The following TANK variants were observed in gnomAD, a reference collection of about 807,000 sequenced individuals.
The protein encoded by TANK is TRAF family member associated NFKB activator.
A neutral mutation model predicts 43.6 loss-of-function variants in TANK; 15 were observed. That is an observed-to-expected ratio of 0.34 (90% CI 0.23 to 0.53). The LOEUF is 0.53. Ranked by LOEUF, TANK falls within the 20% of genes least tolerant of loss-of-function variation. The probability of loss-of-function intolerance (pLI) is 0.94; values close to 1 mark genes in which losing one functional copy is unlikely to be tolerated. For missense variants in TANK, 417 were observed against 498.6 expected, an observed-to-expected ratio of 0.84 and a Z score of 1.56; for synonymous variants, 162 against 178.2, an observed-to-expected ratio of 0.91 and a Z score of 0.73.
At chr2:161,162,607 T>C (rs1437808447) in intron 1 of TANK, 1 of 152,122 alleles carries the variant, frequency 6.6e-6, no homozygotes, top group Non-Finnish European at 1.5e-5. Flanking sequence ...TTTCTTAGTT[T>C]GGGGATGTTT....
intron 1 of TANK, among the ~76,000 whole-genome samples, chr2:161,154,925 A>G (rs1684184073): frequency 6.6e-6 from 1 of 151,948 alleles, no homozygotes; most frequent in African/African-American, 2.4e-5. Context: ...TTGTACTTTT[A>G]GTAGAGATGA....
At chr2:161,212,149 C>A in intron 4 of TANK, 1 of 344,826 alleles carries the variant, frequency 2.9e-6, no homozygotes, top group Non-Finnish European at 4.1e-6. Context: ...CAACCTCCAC[C>A]TCCCAGGCTC....
chr2:161,219,637 T>G (rs1177612022), intron 4 of TANK: 1 of 374,618 alleles, frequency 2.7e-6, no homozygotes, highest in African/African-American at 2.2e-5. Context: ...TCTTATCAAA[T>G]ATCTTTTTGT....
chr2:161,234,449 A>T (rs563248028), intron 7 of TANK, among the ~76,000 whole-genome samples: 27 of 152,328 alleles, frequency 1.8e-4, no homozygotes, highest in African/African-American at 6.5e-4. Context: ...CAATTCAGGA[A>T]AATATTTTCC....
chr2:161,228,174 C>T (rs1687726284), intron 6 of TANK, among the ~76,000 whole-genome samples: 1 of 152,178 alleles, frequency 6.6e-6, no homozygotes, highest in Admixed American at 6.5e-5. Context: ...TGCCAAATGA[C>T]ATTTTCAGTC....
chr2:161,170,218 G>A (rs1211143314), intron 1 of TANK, among the ~76,000 whole-genome samples: 1 of 152,190 alleles, frequency 6.6e-6, no homozygotes, highest in East Asian at 1.9e-4. Context: ...CTTAGTGGGA[G>A]ATGGGCTATG....
At chr2:161,152,262 T>C (rs945880206) in intron 1 of TANK, among the ~76,000 whole-genome samples, 7 of 152,184 alleles carry the variant, frequency 4.6e-5, no homozygotes, top group Non-Finnish European at 8.8e-5. Flanking sequence ...TATTTCTTTG[T>C]ATGGCCTCAA....
At chr2:161,205,184 C>T (rs937487938) in intron 4 of TANK, among the ~76,000 whole-genome samples, 18 of 151,930 alleles carry the variant, frequency 1.2e-4, no homozygotes, top group African/African-American at 4.4e-4. Flanking sequence ...AAATTAGCCA[C>T]GCAGAATGGC....
At chr2:161,178,714 T>C (rs1685284584) in intron 1 of TANK, among the ~76,000 whole-genome samples, 2 of 152,278 alleles carry the variant, frequency 1.3e-5, no homozygotes, top group South Asian at 2.1e-4. Flanking sequence ...CCTGAAGATA[T>C]AACAAAAGAT....
intron 1 of TANK, among the ~76,000 whole-genome samples, chr2:161,143,751 A>C (rs1683820009): frequency 6.6e-6 from 1 of 152,154 alleles, no homozygotes; most frequent in Non-Finnish European, 1.5e-5. Flanking sequence ...ACTGATGTTC[A>C]TCACAGATAT....
intron 2 of TANK, among the ~76,000 whole-genome samples, chr2:161,183,199 G>A (rs541379708): frequency 6.6e-6 from 1 of 152,132 alleles, no homozygotes; most frequent in South Asian, 2.1e-4. Context: ...GTTATTCTTT[G>A]TGAGTCTCCT....
Position 161,232,609 on chromosome 2 carries a change from TA to T in TANK, c.1101+1061del, listed in dbSNP as rs1233187302. On this transcript the variant is annotated intron_variant, in intron 7 of 7. Transcript: ENST00000392749. ...TCATAGTCTCAGTTATAGTTGCTAC[TA>T]AATGAAACAAATTAAACAATTTCAT... is the stretch of plus-strand genomic sequence containing the variant. The T allele has an allele frequency of 2.5e-6, 3 of 1,177,392 alleles. No homozygotes were observed. The African/African-American group carries it at 4.6e-5, about 18-fold the overall frequency. 72.9% of individuals were successfully genotyped at this position (1,177,392 alleles called of 1,614,324 possible). A position where few individuals can be genotyped will look rare whatever the true frequency, so the allele number is the denominator to read the frequency against.
chr2:161,211,962 T>C (rs1337809658), intron 4 of TANK: 1 of 959,878 alleles, frequency 1.0e-6, no homozygotes, highest in Non-Finnish European at 1.2e-6. Flanking sequence ...GCCTTTTTTA[T>C]AGACTTTCTG....
At chr2:161,199,254 T>C (rs1686296299) in intron 2 of TANK, among the ~76,000 whole-genome samples, 2 of 152,108 alleles carry the variant, frequency 1.3e-5, no homozygotes, top group South Asian at 4.1e-4. Context: ...ATTTCTTTTT[T>C]TTTTCAATCC....
chr2:161,191,690 T>C (rs531089853), intron 2 of TANK, among the ~76,000 whole-genome samples: 9 of 152,332 alleles, frequency 5.9e-5, no homozygotes, highest in African/African-American at 2.2e-4. Context: ...TGTCTATAAC[T>C]TCTCTGCCAA....
At position 161,235,644 on chromosome 2, in the gene TANK, A is replaced by T. The variant is rs1323405039; in HGVS notation, c.*126A>T. 1 of 750,480 alleles carries T rather than the reference A, an allele frequency of 1.3e-6. No individual in the cohort carries two copies. Among genetic ancestry groups the T allele is most frequent in the Non-Finnish European group, 2.0e-6 (1 of 505,702 alleles). 46.5% of individuals were successfully genotyped at this position (750,480 alleles called of 1,614,324 possible). A position where few individuals can be genotyped will look rare whatever the true frequency, so the allele number is the denominator to read the frequency against. Reference sequence around the variant, plus strand: ...AAAATCTAGTTTCACAGCTATTTGAATTTTTTTCTGGATTTACTATATAAC... The same window carrying T: ...AAAATCTAGTTTCACAGCTATTTGATTTTTTTTCTGGATTTACTATATAAC... On this transcript the variant is annotated 3_prime_UTR_variant, in exon 8 of 8. Coordinates refer to ENST00000392749, the MANE Select transcript of TANK (RefSeq NM_001199135.3).
chr2:161,179,940 A>T (rs920032384), intron 2 of TANK, 179 bp downstream of exon 2: 1 of 1,282,468 alleles, frequency 7.8e-7, no homozygotes, highest in African/African-American at 1.5e-5. Flanking sequence ...TTTTAAAAAT[A>T]TTGCAACCCA....
chr2:161,222,950 ACT>A (rs1363753851), intron 4 of TANK: 7 of 152,154 alleles, frequency 4.6e-5, no homozygotes, highest in East Asian at 1.9e-4. Flanking sequence ...AACAAATAAG[ACT>A]CTGAAGAAAT....
intron 4 of TANK, among the ~76,000 whole-genome samples, chr2:161,206,009 G>C (rs1387999043): frequency 6.6e-6 from 1 of 152,022 alleles, no homozygotes; most frequent in African/African-American, 2.4e-5. Flanking sequence ...TGTAATAAAA[G>C]TATAAAAACC....
Sources: allele counts gnomAD v4.1 joint callset (sites outside exome capture counted in the v4.1 genomes callset), GRCh38; gene constraint gnomAD v4.1.1; transcripts MANE v1.5; gene names NCBI Gene and HGNC (gene_info 2026-07-23, HGNC 2026-07-21).